The following NBAS variants were observed in gnomAD, a reference collection of about 807,000 sequenced individuals.
The protein encoded by NBAS is NAG/BC035112 fusion.
In NBAS, 219 loss-of-function variants were observed where a neutral mutation model predicts 302.5. The ratio of observed to expected loss-of-function variants is 0.72; its 90% confidence interval spans 0.65 to 0.81. The LOEUF (loss-of-function observed/expected upper bound fraction) is 0.81, where lower values mean the gene tolerates loss of function less well. Ranked by LOEUF, NBAS falls within the 30% of genes least tolerant of loss-of-function variation. The pLI, the probability that NBAS is intolerant of heterozygous loss-of-function variation, is 0.00. For synonymous variants in NBAS, 1,118 were observed against 1,021.6 expected (o/e 1.09, Z -1.80); for missense variants, 2,932 against 2,841.6 (o/e 1.03, Z -0.72).
At chr2:15,158,239 G>C in the NBAS span, among the ~76,000 whole-genome samples, 1 of 152,230 alleles carries the variant, frequency 6.6e-6, no homozygotes, top group African/African-American at 2.4e-5. Context: ...CAGCAGGAGA[G>C]CTGGCTGTGG....
chr2:14,841,892 A>C, the NBAS span, among the ~76,000 whole-genome samples: 2 of 152,060 alleles, frequency 1.3e-5, no homozygotes, highest in African/African-American at 4.8e-5. Flanking sequence ...AATACACATT[A>C]TTTTAATCAA....
the NBAS span, among the ~76,000 whole-genome samples, chr2:15,008,815 A>T: frequency 6.6e-6 from 1 of 152,348 alleles, no homozygotes; most frequent in Non-Finnish European, 1.5e-5. Flanking sequence ...AAAAATAAAT[A>T]AATTTAAATT....
the NBAS span, among the ~76,000 whole-genome samples, chr2:15,150,183 A>T: frequency 7.2e-5 from 11 of 152,172 alleles, no homozygotes; most frequent in African/African-American, 2.7e-4. Flanking sequence ...TTACATTTGC[A>T]TGAATGTGTT....
At chr2:15,116,154 T>G in the NBAS span, among the ~76,000 whole-genome samples, 1 of 152,188 alleles carries the variant, frequency 6.6e-6, no homozygotes, top group African/African-American at 2.4e-5. Context: ...CTCTGGGTTT[T>G]TTGGAGTCTG....
At chr2:14,964,776 A>G in the NBAS span, among the ~76,000 whole-genome samples, 1 of 152,170 alleles carries the variant, frequency 6.6e-6, no homozygotes, top group African/African-American at 2.4e-5. Context: ...TCAGGATAGA[A>G]TACATTTTGA....
chr2:15,012,442 T>A, the NBAS span, among the ~76,000 whole-genome samples: 4 of 152,078 alleles, frequency 2.6e-5, no homozygotes, highest in African/African-American at 9.7e-5. Flanking sequence ...ATTACAGATG[T>A]TCCAGAAAGA....
At chr2:15,286,230 C>T (rs139427022) in intron 42 of NBAS, among the ~76,000 whole-genome samples, 1 of 152,310 alleles carries the variant, frequency 6.6e-6, no homozygotes, top group African/African-American at 2.4e-5. Flanking sequence ...GGTCACTTGT[C>T]ATGCCGTCTG....
the NBAS span, among the ~76,000 whole-genome samples, chr2:15,129,446 G>A: frequency 6.6e-6 from 1 of 152,290 alleles, no homozygotes; most frequent in South Asian, 2.1e-4. Flanking sequence ...AGGCATCAGA[G>A]TCTTCTCCTC....
chr2:14,882,247 T>C, the NBAS span, among the ~76,000 whole-genome samples: 2 of 152,112 alleles, frequency 1.3e-5, no homozygotes, highest in Admixed American at 1.3e-4. Context: ...GAAGAACTGA[T>C]CCACACTTGA....
chr2:14,980,393 T>C, the NBAS span, among the ~76,000 whole-genome samples: 1 of 151,888 alleles, frequency 6.6e-6, no homozygotes, highest in Admixed American at 6.6e-5. Context: ...ATAGAAATAA[T>C]AAGAGACAGC....
chr2:15,402,111 T>G, intron 26 of NBAS, 57 bp downstream of exon 26: 1 of 1,602,274 alleles, frequency 6.2e-7, no homozygotes, highest in East Asian at 2.2e-5. Flanking sequence ...GCAACGTTTT[T>G]GTTTTAACTG....
At chr2:15,186,978 C>G (rs918396605) in intron 49 of NBAS, 98 bp from the exon 50 acceptor site, 1 of 1,524,314 alleles carries the variant, frequency 6.6e-7, no homozygotes, top group African/African-American at 1.4e-5. Context: ...CGGTAAATTA[C>G]AATCAGAATC....
At chr2:14,809,148 C>A in the NBAS span, among the ~76,000 whole-genome samples, 3 of 152,142 alleles carry the variant, frequency 2.0e-5, no homozygotes, top group Non-Finnish European at 4.4e-5. Context: ...CCTGACAATG[C>A]AATAGAAAAC....
the NBAS span, among the ~76,000 whole-genome samples, chr2:14,990,036 CT>C: frequency 6.6e-6 from 1 of 152,126 alleles, no homozygotes; most frequent in African/African-American, 2.4e-5. Context: ...TTATGGTTAA[CT>C]TTTCTTTTTT....
chr2:15,277,270 T>C (rs1040502241), intron 42 of NBAS, among the ~76,000 whole-genome samples, 169 bp from the exon 43 acceptor site: 9 of 152,086 alleles, frequency 5.9e-5, no homozygotes, highest in Non-Finnish European at 1.5e-5. Flanking sequence ...GGAAAACAAA[T>C]GTGTTAGATG....
the NBAS span, among the ~76,000 whole-genome samples, chr2:14,961,699 T>C: frequency 6.6e-6 from 1 of 152,144 alleles, no homozygotes; most frequent in Non-Finnish European, 1.5e-5. Flanking sequence ...CTGACACAGG[T>C]ACTATTATTA....
intron 6 of NBAS, among the ~76,000 whole-genome samples, chr2:15,543,479 G>A (rs568622338): frequency 3.9e-5 from 6 of 152,264 alleles, no homozygotes; most frequent in African/African-American, 1.4e-4. Flanking sequence ...CCGTTTTCAT[G>A]CTGTTGATAA....
chr2:15,213,902 A>G (rs1666535776), intron 48 of NBAS, among the ~76,000 whole-genome samples: 2 of 152,264 alleles, frequency 1.3e-5, no homozygotes, highest in Non-Finnish European at 2.9e-5. Flanking sequence ...AAGGAGCTAT[A>G]TCCAAACATT....
chr2:14,837,022 G>C, the NBAS span, among the ~76,000 whole-genome samples: 10 of 151,800 alleles, frequency 6.6e-5, no homozygotes, highest in African/African-American at 2.4e-4. Context: ...TAGCAACCTT[G>C]CTAAACTCAT....
Sources: allele counts gnomAD v4.1 joint callset (sites outside exome capture counted in the v4.1 genomes callset), GRCh38; gene constraint gnomAD v4.1.1; transcripts MANE v1.5; gene names NCBI Gene and HGNC (gene_info 2026-07-23, HGNC 2026-07-21).